CLVS1: variants seen among roughly 807,000 people sequenced by gnomAD.
The protein encoded by CLVS1 is clavesin 1, also known as clavesin-1.
Under a neutral mutation model 33.1 loss-of-function variants are expected in CLVS1, and 10 were observed. The observed-to-expected ratio is 0.30, with a 90% CI of 0.19 to 0.51. The LOEUF (loss-of-function observed/expected upper bound fraction) is 0.51. Ranked by LOEUF, CLVS1 falls within the 20% of genes least tolerant of loss-of-function variation. The probability of loss-of-function intolerance (pLI) is 0.97; values close to 1 mark genes in which losing one functional copy is unlikely to be tolerated. For synonymous variants in CLVS1, 163 were observed against 166.1 expected (o/e 0.98, Z 0.14); for missense variants, 343 against 433.4 (o/e 0.79, Z 1.85).
intron 5 of CLVS1, among the ~76,000 whole-genome samples, chr8:61,477,284 G>C (rs550810307): frequency 6.6e-6 from 1 of 152,100 alleles, no homozygotes; most frequent in Non-Finnish European, 1.5e-5. Context: ...TCTCTGCCAG[G>C]CTTTGGTATC....
intron 3 of CLVS1, among the ~76,000 whole-genome samples, chr8:61,409,892 T>C (rs891567464): frequency 2.0e-5 from 3 of 152,186 alleles, no homozygotes; most frequent in Non-Finnish European, 4.4e-5. Context: ...ATGGATCATT[T>C]TTTCATGTTT....
chr8:61,024,857 T>G, the CLVS1 span, among the ~76,000 whole-genome samples: 1 of 144,778 alleles, frequency 6.9e-6, no homozygotes, highest in East Asian at 2.0e-4. Flanking sequence ...TTTTTCTTTC[T>G]TTTTTTTTTT....
intron 1 of CLVS1, among the ~76,000 whole-genome samples, chr8:61,082,215 T>G (rs1397855499): frequency 6.6e-6 from 1 of 151,982 alleles, no homozygotes; most frequent in African/African-American, 2.4e-5. Context: ...AAAAAGTCAG[T>G]GCGCTTAAAG....
the CLVS1 span, among the ~76,000 whole-genome samples, chr8:61,035,187 C>CTTTTTTTTTT: frequency 2.9e-4 from 37 of 129,392 alleles, 1 homozygote; most frequent in South Asian, 4.9e-4. Flanking sequence ...TTTCTTTTTT[C>CTTTTTTTTTT]TTTTTTTTTT....
In CLVS1 at chr8:61,499,581, A is replaced by G. The variant is rs1804487459; in HGVS notation, c.*39A>G. 1.3e-6 allele frequency: 2 copies of G among 1,510,080 alleles called. No homozygotes were observed. The highest frequency in any genetic ancestry group is 1.8e-6 in the Non-Finnish European group (2 of 1,085,904). 93.5% of individuals were successfully genotyped at this position (1,510,080 alleles called of 1,614,324 possible). A position where few individuals can be genotyped will look rare whatever the true frequency, so the allele number is the denominator to read the frequency against. Reference sequence around the variant, plus strand: ...CCAATGCTCCTGCACACTGGCCTTCAGTGGTATCAGCCACCCAGGAAGCAC... The same window carrying G: ...CCAATGCTCCTGCACACTGGCCTTCGGTGGTATCAGCCACCCAGGAAGCAC... On this transcript the variant is annotated 3_prime_UTR_variant, in exon 6 of 6. Coordinates refer to ENST00000325897, the MANE Select transcript of CLVS1 (RefSeq NM_173519.3).
At chr8:61,017,192 T>G in the CLVS1 span, among the ~76,000 whole-genome samples, 1 of 152,226 alleles carries the variant, frequency 6.6e-6, no homozygotes, top group African/African-American at 2.4e-5. Flanking sequence ...TCACAATTTT[T>G]GGGCTCAGAA....
At chr8:61,322,416 A>C (rs1331266405) in intron 2 of CLVS1, among the ~76,000 whole-genome samples, 1 of 152,172 alleles carries the variant, frequency 6.6e-6, no homozygotes, top group African/African-American at 2.4e-5. Context: ...TGAGCCTCAC[A>C]TGAGGGATGA....
intron 1 of CLVS1, among the ~76,000 whole-genome samples, chr8:61,091,132 TCA>T (rs1490608509): frequency 6.6e-6 from 1 of 152,096 alleles, no homozygotes; most frequent in Non-Finnish European, 1.5e-5. Context: ...CCTGAGGTAA[TCA>T]CAATGGTCCT....
At chr8:61,202,934 A>G (rs1392505487) in intron 2 of CLVS1, 7 of 1,383,098 alleles carry the variant, frequency 5.1e-6, no homozygotes, top group Non-Finnish European at 6.1e-6. Context: ...CAATCTATAC[A>G]AGATACTCCA....
the CLVS1 span, among the ~76,000 whole-genome samples, chr8:61,002,665 G>A: frequency 3.0e-4 from 45 of 152,178 alleles, 1 homozygote; most frequent in South Asian, 9.1e-3. Context: ...TCATTTCCTT[G>A]AAGTAGAAAA....
intron 1 of CLVS1, among the ~76,000 whole-genome samples, chr8:61,081,328 A>G (rs1805016259): frequency 6.6e-6 from 1 of 152,212 alleles, no homozygotes; most frequent in Non-Finnish European, 1.5e-5. Context: ...TTTGGCAATC[A>G]ATTGGGTGCA....
intron 1 of CLVS1, among the ~76,000 whole-genome samples, chr8:61,091,637 C>T (rs984647393): frequency 6.6e-6 from 1 of 152,080 alleles, no homozygotes; most frequent in South Asian, 2.1e-4. Context: ...TTATCGAAAG[C>T]CCTTTATAAA....
At chr8:61,122,607 C>T (rs930185108) in intron 1 of CLVS1, among the ~76,000 whole-genome samples, 7 of 141,178 alleles carry the variant, frequency 5.0e-5, no homozygotes, top group Non-Finnish European at 9.2e-5. Context: ...CACACACACA[C>T]ACACAAGAAA....
intron 5 of CLVS1, among the ~76,000 whole-genome samples, chr8:61,481,745 T>C (rs1004354809): frequency 4.6e-5 from 7 of 152,222 alleles, no homozygotes; most frequent in African/African-American, 1.4e-4. Flanking sequence ...GAAGCCTGCC[T>C]CCCTCTGTAG....
chr8:61,239,576 CA>C (rs1273941270), intron 2 of CLVS1, among the ~76,000 whole-genome samples: 1 of 151,914 alleles, frequency 6.6e-6, no homozygotes, highest in Admixed American at 6.6e-5. Context: ...ATCTACAAAA[CA>C]ATTTAAAAAT....
chr8:61,433,528 T>C (rs1816193172), intron 3 of CLVS1, among the ~76,000 whole-genome samples: 1 of 152,212 alleles, frequency 6.6e-6, no homozygotes, highest in Admixed American at 6.5e-5. Context: ...TATTTATTTC[T>C]TTCTCAAGAG....
the CLVS1 span, among the ~76,000 whole-genome samples, chr8:60,998,622 T>C: frequency 4.1e-4 from 62 of 152,316 alleles, no homozygotes; most frequent in Admixed American, 6.5e-4. Flanking sequence ...TCTGGCTAAT[T>C]TGTGCCTTTT....
rs78251157 is a variant in CLVS1 at position 61,429,072 on chromosome 8, C to T, written c.631-25069C>T. 9.2e-3 allele frequency among the ~76,000 whole-genome samples: 1,396 copies of T among 152,174 alleles called. 26 individuals are homozygous for T. The highest frequency in any genetic ancestry group is 0.032 in the African/African-American group (1,328 of 41,488). On this transcript the variant is annotated intron_variant, in intron 3 of 5. Coordinates refer to ENST00000325897, the MANE Select transcript of CLVS1 (RefSeq NM_173519.3). ...GAGGTTGAGAAGTCCCATATCAGGG[C>T]GCTGGCATCTGGCAAGGATCTTCTT...
At chr8:61,376,952 T>G (rs1169366391) in intron 3 of CLVS1, 173 bp downstream of exon 3, 1 of 534,924 alleles carries the variant, frequency 1.9e-6, no homozygotes, top group Non-Finnish European at 3.2e-6. Context: ...TTTTTAAAAT[T>G]AACTTTCATT....
Sources: gnomAD v4.1 joint callset for allele counts (sites outside exome capture counted in the v4.1 genomes callset) on GRCh38, gnomAD v4.1.1 for gene constraint, MANE v1.5 for transcripts, NCBI Gene and HGNC (gene_info 2026-07-23, HGNC 2026-07-21) for gene names.